SAMD3: variants seen among roughly 807,000 people sequenced by gnomAD.
SAMD3 encodes sterile alpha motif domain containing 3.
A neutral mutation model predicts 58.5 loss-of-function variants in SAMD3; 63 were observed. That is an observed-to-expected ratio of 1.08 (90% CI 0.88 to 1.33). The LOEUF (loss-of-function observed/expected upper bound fraction) is 1.33. Among genes scored for constraint, SAMD3 ranks in the 40% most tolerant of loss-of-function variants. The pLI is 0.00. For synonymous variants in SAMD3, 220 were observed against 210.3 expected (o/e 1.05, Z -0.40); for missense variants, 604 against 608.4 (o/e 0.99, Z 0.08).
In SAMD3 at chr6:130,184,133, G is replaced by A. The variant is rs777901783; in HGVS notation, c.624C>T (p.His208=). 6.2e-7 allele frequency: 1 copy of A among 1,614,002 alleles called. No homozygotes were observed. Among genetic ancestry groups the A allele is most frequent in the Non-Finnish European group, 8.5e-7 (1 of 1,179,890 alleles). Residue 208 remains histidine, a synonymous_variant, in exon 7 of 12, where the codon CAC becomes CAT. Transcript: ENST00000439090. ...CACAGCCATCCTCATCCAGGAAAGG[G>A]TGGGCCTGCAGCAGGGCATTAACCA... ...NDVVNALLQA[H]PFLDEDGCGF...
chr6:130,143,348 C>T, downstream of SAMD3: 1 of 152,510 alleles, frequency 6.6e-6, no homozygotes, highest in Non-Finnish European at 1.5e-5. Context: ...CAGGTTCAAG[C>T]AGTTCTCCTG....
chr6:130,244,189 C>T (rs1238543605), intron 2 of SAMD3, among the ~76,000 whole-genome samples: 1 of 152,072 alleles, frequency 6.6e-6, no homozygotes, highest in Non-Finnish European at 1.5e-5. Flanking sequence ...TATTTCATGC[C>T]TGTGACAAAG....
upstream of SAMD3, among the ~76,000 whole-genome samples, chr6:130,224,625 ATTATTATTT>A (rs1250391778): frequency 9.3e-6 from 1 of 107,408 alleles, no homozygotes; most frequent in Non-Finnish European, 1.8e-5. Context: ...TATTATTATT[ATTATTATTT>A]TTGAGATGGA....
chr6:130,254,049 A>G (rs919140932), intron 2 of SAMD3, among the ~76,000 whole-genome samples: 95 of 152,062 alleles, frequency 6.2e-4, no homozygotes, highest in African/African-American at 1.8e-3. Context: ...GCTGGAGTGC[A>G]GGAGCAAGAT....
At chr6:130,247,222 C>T (rs1411118754) in intron 2 of SAMD3, among the ~76,000 whole-genome samples, 2 of 152,158 alleles carry the variant, frequency 1.3e-5, no homozygotes, top group Non-Finnish European at 2.9e-5. Context: ...GTAATCCCAA[C>T]ACTTTGAGAG....
At chr6:130,206,145 C>G (rs1201407943) in intron 5 of SAMD3, among the ~76,000 whole-genome samples, 1 of 152,154 alleles carries the variant, frequency 6.6e-6, no homozygotes, top group Admixed American at 6.5e-5. Context: ...CTTTATGGGC[C>G]CCTCCTCCCA....
At chr6:130,239,742 T>C (rs976645556) in intron 2 of SAMD3, among the ~76,000 whole-genome samples, 4 of 152,150 alleles carry the variant, frequency 2.6e-5, no homozygotes, top group Non-Finnish European at 4.4e-5. Context: ...CCTTTATCAG[T>C]AGGTTGGTTT....
intron 2 of SAMD3, among the ~76,000 whole-genome samples, chr6:130,309,871 C>G (rs997477415): frequency 2.6e-5 from 4 of 152,134 alleles, no homozygotes; most frequent in Non-Finnish European, 5.9e-5. Flanking sequence ...TTTCAGCCTT[C>G]CCAGTTTTCT....
chr6:130,224,175 C>A (rs180760451), upstream of SAMD3, among the ~76,000 whole-genome samples: 16 of 152,232 alleles, frequency 1.1e-4, 1 homozygote, highest in East Asian at 3.1e-3. Flanking sequence ...TGATGTCCTG[C>A]CAGTCTGTCA....
At chr6:130,200,649 G>A (rs7768884) in intron 5 of SAMD3, among the ~76,000 whole-genome samples, 120,002 of 151,740 alleles carry the variant, frequency 0.79, 47,939 homozygotes, top group African/African-American at 0.9. Context: ...GTTCAGAAGT[G>A]TTAAAATGTG....
intron 2 of SAMD3, among the ~76,000 whole-genome samples, chr6:130,234,882 T>C (rs1226461109): frequency 6.6e-6 from 1 of 152,192 alleles, no homozygotes; most frequent in Non-Finnish European, 1.5e-5. Flanking sequence ...TCCCAGCATT[T>C]TGGGAGGATT....
intron 1 of SAMD3, among the ~76,000 whole-genome samples, chr6:130,218,446 G>T (rs1156336463): frequency 2.0e-5 from 3 of 152,140 alleles, no homozygotes; most frequent in Non-Finnish European, 2.9e-5. Context: ...ATCCACTATG[G>T]CCTGATGATA....
chr6:130,349,754 AC>A (rs1777593651), intron 1 of SAMD3, among the ~76,000 whole-genome samples: 1 of 152,252 alleles, frequency 6.6e-6, no homozygotes, highest in South Asian at 2.1e-4. Context: ...AAAGCTTGGC[AC>A]AGACACAACA....
At chr6:130,162,425 T>C (rs1005148756) in intron 8 of SAMD3, 2 of 572,224 alleles carry the variant, frequency 3.5e-6, no homozygotes, top group Non-Finnish European at 6.2e-6. Flanking sequence ...TTGACTTTTA[T>C]AAAGATAACT....
rs1582865817 is a variant in SAMD3, at chr6:130,192,101, C to A, written c.384-7478G>T. Among the ~76,000 whole-genome samples the A allele has an allele frequency of 1.3e-5, 2 of 152,190 alleles. 1 individual carries two copies. The highest frequency in any genetic ancestry group is 4.1e-4 in the South Asian group (2 of 4,824). On this transcript the variant is annotated intron_variant, in intron 5 of 11. Transcript: ENST00000439090. ...CCCACCTGGCCTGGTCCAACACTGGCCCTGTGAGCACTCAACTACATCTAG... is the reference window on the plus strand; with the variant it reads ...CCCACCTGGCCTGGTCCAACACTGGACCTGTGAGCACTCAACTACATCTAG...
chr6:130,171,935 T>C (rs1791288989), intron 8 of SAMD3, among the ~76,000 whole-genome samples: 1 of 152,232 alleles, frequency 6.6e-6, no homozygotes, highest in African/African-American at 2.4e-5. Flanking sequence ...GCTCTTCTTG[T>C]TGCATTGATC....
chr6:130,364,549 G>A (rs948403927), intron 1 of SAMD3, among the ~76,000 whole-genome samples: 3 of 151,886 alleles, frequency 2.0e-5, no homozygotes, highest in African/African-American at 4.8e-5. Flanking sequence ...CTTTGATATG[G>A]TGCTTGACAA....
intron 6 of SAMD3, 46 bp from the exon 7 acceptor site, chr6:130,184,233 C>T (rs1259223593): frequency 6.9e-7 from 1 of 1,440,502 alleles, no homozygotes; most frequent in Non-Finnish European, 9.6e-7. Context: ...AAGCAAACCA[C>T]ATTCCTTCCT....
chr6:130,266,874 G>A (rs139275728), intron 2 of SAMD3, among the ~76,000 whole-genome samples: 13 of 152,286 alleles, frequency 8.5e-5, no homozygotes, highest in East Asian at 1.9e-4. Flanking sequence ...AGAATTATAC[G>A]ATATTATAGG....
Sources: allele counts gnomAD v4.1 joint callset (sites outside exome capture counted in the v4.1 genomes callset), GRCh38; gene constraint gnomAD v4.1.1; transcripts MANE v1.5; gene names NCBI Gene and HGNC (gene_info 2026-07-23, HGNC 2026-07-21).